Variants in FBXL7 observed in about 807,000 individuals in gnomAD.
The protein encoded by FBXL7 is F-box and leucine rich repeat protein 7, also known as F-box/LRR-repeat protein 7.
Under a neutral mutation model 38.3 loss-of-function variants are expected in FBXL7, and 12 were observed. That is an observed-to-expected ratio of 0.31 (90% CI 0.20 to 0.51). The LOEUF (loss-of-function observed/expected upper bound fraction) is 0.51, where lower values mean the gene tolerates loss of function less well. FBXL7 is among the 20% of genes least tolerant of loss of function. The pLI is 0.98. For synonymous variants in FBXL7, 297 were observed against 300.9 expected (o/e 0.99, Z 0.13); for missense variants, 567 against 676.4 (o/e 0.84, Z 1.79).
intron 2 of FBXL7, among the ~76,000 whole-genome samples, chr5:15,620,737 C>T (rs111936726): frequency 1.6e-4 from 25 of 152,254 alleles, no homozygotes; most frequent in African/African-American, 6.0e-4. Flanking sequence ...GACTAGTGTT[C>T]CCAGCCTGGC....
intron 2 of FBXL7, among the ~76,000 whole-genome samples, chr5:15,898,445 G>A (rs558755390): frequency 6.6e-6 from 1 of 152,318 alleles, no homozygotes; most frequent in South Asian, 2.1e-4. Context: ...ACATTTATGT[G>A]TGTGAGAGAG....
rs568216507 is a variant in FBXL7, at chr5:15,920,953, G to T, written c.128-6937G>T. 2.5e-4 allele frequency among the ~76,000 whole-genome samples: 38 copies of T among 152,034 alleles called. 1 individual carries two copies. Among genetic ancestry groups the T allele is most frequent in the Admixed American group, 1.3e-3 (20 of 15,262 alleles). On this transcript the variant is annotated intron_variant, in intron 2 of 3. Coordinates refer to ENST00000504595, the MANE Select transcript of FBXL7 (RefSeq NM_012304.5). ...TATACATCCTATTGCAAAAGTGTGT[G>T]GTCATTTCTCCTTTAAATTCTCCCA... is the stretch of plus-strand genomic sequence containing the variant.
intron 2 of FBXL7, among the ~76,000 whole-genome samples, chr5:15,814,816 C>T (rs1158033112): frequency 6.6e-6 from 1 of 152,104 alleles, no homozygotes; most frequent in Non-Finnish European, 1.5e-5. Flanking sequence ...TTCTTACCCA[C>T]CCCAATTGCT....
chr5:15,570,341 T>G (rs955620774), intron 1 of FBXL7, among the ~76,000 whole-genome samples: 3 of 152,186 alleles, frequency 2.0e-5, no homozygotes, highest in African/African-American at 7.2e-5. Context: ...GTCGAGGAAT[T>G]TATCCATTTC....
rs1736424831 is a variant in FBXL7 at position 15,760,971 on chromosome 5, G to C, written c.127+144899G>C. On this transcript the variant is annotated intron_variant, in intron 2 of 3. Coordinates refer to ENST00000504595, the MANE Select transcript of FBXL7 (RefSeq NM_012304.5). ...AAAAAGCAGTCCCATATTTCAGAGT[G>C]ATCATTGGAAGTTAGACAATTACAC... Among the ~76,000 whole-genome samples, 4 of 152,086 alleles carry C rather than the reference G, an allele frequency of 2.6e-5. No homozygotes were observed. In the South Asian group the frequency reaches 6.2e-4, roughly 24 times the overall value.
chr5:15,781,724 G>A (rs886547328), intron 2 of FBXL7, among the ~76,000 whole-genome samples: 1 of 152,096 alleles, frequency 6.6e-6, no homozygotes, highest in Non-Finnish European at 1.5e-5. Flanking sequence ...GGAAGTGGAA[G>A]CAATATGCAT....
rs1561157469 is a variant in FBXL7 at position 15,861,552 on chromosome 5, A to G, written c.128-66338A>G. ...TTGGTGATTCTCAGAGCCACTGAGC[A>G]TAGAGGACTGCATGGAGCAGACCTT... On this transcript the variant is annotated intron_variant, in intron 2 of 3. Transcript: ENST00000504595. Among the ~76,000 whole-genome samples, 6 of 152,232 alleles carry G rather than the reference A, an allele frequency of 3.9e-5. No homozygotes were observed. In the South Asian group the frequency reaches 6.2e-4, roughly 16 times the overall value.
chr5:15,887,456 G>A (rs774688677), intron 2 of FBXL7, among the ~76,000 whole-genome samples: 2 of 152,166 alleles, frequency 1.3e-5, no homozygotes, highest in Non-Finnish European at 2.9e-5. Context: ...TATTTTCAGT[G>A]TTTGCACATA....
chr5:15,698,506 G>C, intron 2 of FBXL7, among the ~76,000 whole-genome samples: 1 of 152,218 alleles, frequency 6.6e-6, no homozygotes, highest in Middle Eastern at 3.4e-3. Flanking sequence ...CTTAAATAGG[G>C]GTGGTGTGGT....
intron 1 of FBXL7, among the ~76,000 whole-genome samples, chr5:15,609,711 T>C (rs1262958949): frequency 6.6e-6 from 1 of 152,184 alleles, no homozygotes; most frequent in African/African-American, 2.4e-5. Context: ...CTCCAGAAGC[T>C]GCAGCGAAGA....
rs962606689 is a variant in FBXL7, at chr5:15,580,707, C to T, written c.38-35276C>T. On this transcript the variant is annotated intron_variant, in intron 1 of 3. Transcript: ENST00000504595. ...TCCGGGAGTGCTGAAGGTGCCAGAA[C>T]AGGAAGGGAGGTGGTGAGCCTGAAG... 4.2e-5 allele frequency: 41 copies of T among 985,364 alleles called. 1 individual carries two copies. The African/African-American group carries it at 5.8e-4, about 14-fold the overall frequency. The allele number at this position is 985,364 out of a possible 1,614,324, so 61.0% of individuals were successfully genotyped here.
intron 1 of FBXL7, among the ~76,000 whole-genome samples, chr5:15,518,936 C>T (rs1737020438): frequency 6.6e-6 from 1 of 152,106 alleles, no homozygotes; most frequent in African/African-American, 2.4e-5. Flanking sequence ...GAAACAATGA[C>T]AAATGAAACG....
intron 2 of FBXL7, among the ~76,000 whole-genome samples, chr5:15,670,871 CTT>C (rs1742446672): frequency 6.6e-6 from 1 of 152,044 alleles, no homozygotes; most frequent in African/African-American, 2.4e-5. Flanking sequence ...CAGTTCCCCT[CTT>C]TACACACTCA....
intron 2 of FBXL7, among the ~76,000 whole-genome samples, chr5:15,872,082 G>A (rs974550462): frequency 4.6e-5 from 7 of 152,148 alleles, no homozygotes; most frequent in South Asian, 2.1e-4. Context: ...GACTAAGAGC[G>A]GATCTCTCTG....
At chr5:15,766,686 G>T (rs1050426989) in intron 2 of FBXL7, among the ~76,000 whole-genome samples, 9 of 152,162 alleles carry the variant, frequency 5.9e-5, no homozygotes, top group Non-Finnish European at 1.3e-4. Context: ...AAACATATTT[G>T]CTCTTCCCAA....
intron 1 of FBXL7, among the ~76,000 whole-genome samples, chr5:15,511,897 A>C (rs1736806474): frequency 6.6e-6 from 1 of 152,186 alleles, no homozygotes; most frequent in Non-Finnish European, 1.5e-5. Flanking sequence ...TTGAAGTGGT[A>C]AATTATTATG....
chr5:15,621,650 G>T (rs1037957063), intron 2 of FBXL7, among the ~76,000 whole-genome samples: 7 of 152,184 alleles, frequency 4.6e-5, no homozygotes, highest in African/African-American at 1.7e-4. Flanking sequence ...TGGGCGGGTG[G>T]CTCAGTCTTT....
intron 2 of FBXL7, among the ~76,000 whole-genome samples, chr5:15,765,819 A>G (rs1164861492): frequency 1.3e-5 from 2 of 152,098 alleles, no homozygotes; most frequent in Non-Finnish European, 2.9e-5. Flanking sequence ...ACACTGTAGT[A>G]CTGAACTCAT....
intron 2 of FBXL7, among the ~76,000 whole-genome samples, chr5:15,859,290 C>G (rs1739370627): frequency 6.6e-6 from 1 of 152,080 alleles, no homozygotes; most frequent in African/African-American, 2.4e-5. Context: ...CATGATTACC[C>G]CAGTTGAGAT....
Sources: allele counts gnomAD v4.1 joint callset (sites outside exome capture counted in the v4.1 genomes callset), GRCh38; gene constraint gnomAD v4.1.1; transcripts MANE v1.5; gene names NCBI Gene and HGNC (gene_info 2026-07-23, HGNC 2026-07-21).